SMIM35: variants seen among roughly 807,000 people sequenced by gnomAD.
SMIM35 encodes the protein TMPRSS4 antisense RNA 1 (non-protein coding).
At chr11:118,025,295 T>C in intron 1 of SMIM35, 1 of 336,928 alleles carries the variant, frequency 3.0e-6, no homozygotes, top group Non-Finnish European at 5.8e-6. Flanking sequence ...AGTAATAAGA[T>C]TGTGCAGTCA....
At chr11:118,016,557 T>A (rs1183270368) in intron 1 of SMIM35, among the ~76,000 whole-genome samples, 1 of 152,098 alleles carries the variant, frequency 6.6e-6, no homozygotes. Flanking sequence ...ATGGAGTGAT[T>A]CCCCATTTGG....
chr11:118,081,012 T>C (rs929385255), intron 1 of SMIM35, among the ~76,000 whole-genome samples: 1 of 152,218 alleles, frequency 6.6e-6, no homozygotes, highest in African/African-American at 2.4e-5. Context: ...GGGAGCTTCT[T>C]GAGGACAGGG....
intron 1 of SMIM35, among the ~76,000 whole-genome samples, chr11:118,046,607 T>C (rs932249788): frequency 1.3e-5 from 2 of 152,214 alleles, no homozygotes; most frequent in African/African-American, 4.8e-5. Context: ...AGGGCAGGTA[T>C]AGAGCAGCTG....
chr11:118,037,734 G>A (rs1313040836), intron 1 of SMIM35, among the ~76,000 whole-genome samples: 2 of 152,130 alleles, frequency 1.3e-5, no homozygotes, highest in Non-Finnish European at 2.9e-5. Flanking sequence ...GATAGTTTGT[G>A]GTAGAACTGA....
In SMIM35 at chr11:118,035,881, G is replaced by GTGTTTGTTTGTTTGTTTGTT. The variant is rs1555072795; in HGVS notation, c.8-20092_8-20073dup. ...ACTATCATTAGTATCCTAATATGTGGTGTTTGTTTGTTTGTTTGTTTGACA... is the reference window on the plus strand; with the variant it reads ...ACTATCATTAGTATCCTAATATGTGGTGTTTGTTTGTTTGTTTGTTTGTTTGTTTGTTTGTTTGTTTGACA... On this transcript the variant is annotated intron_variant, in intron 1 of 4. Coordinates refer to ENST00000689828, the MANE Select transcript of SMIM35 (RefSeq NM_001394165.1). 2.6e-4 allele frequency among the ~76,000 whole-genome samples: 39 copies of GTGTTTGTTTGTTTGTTTGTT among 152,184 alleles called. No homozygotes were observed. In the East Asian group the frequency reaches 4.8e-3, roughly 19 times the overall value.
chr11:118,059,656 C>T (rs773933734), intron 1 of SMIM35: 2 of 152,174 alleles, frequency 1.3e-5, no homozygotes, highest in Admixed American at 1.3e-4. Flanking sequence ...CCCTGGGGTC[C>T]GTCAGGATCC....
intron 1 of SMIM35, chr11:118,077,010 T>A: frequency 2.4e-6 from 1 of 425,280 alleles, no homozygotes; most frequent in African/African-American, 2.1e-5. Context: ...ACAAGACACA[T>A]AATCATTCCA....
chr11:118,021,178 G>A lies in SMIM35; in HGVS notation c.8-5369C>T, dbSNP rs570270401. ...ATCTAACTCATGAAGTCAAAGTAAA[G>A]CTTTTAGAAGCTTACTCTGTAGGAG... is the stretch of plus-strand genomic sequence containing the variant. On this transcript the variant is annotated intron_variant, in intron 1 of 4. Transcript: ENST00000689828. Among the ~76,000 whole-genome samples, 38 of 152,074 alleles carry A rather than the reference G, an allele frequency of 2.5e-4. 1 individual carries two copies. Among genetic ancestry groups the A allele is most frequent in the African/African-American group, 8.7e-4 (36 of 41,518 alleles).
intron 1 of SMIM35, among the ~76,000 whole-genome samples, chr11:118,079,919 G>A (rs112844968): frequency 4.6e-5 from 7 of 152,328 alleles, no homozygotes; most frequent in African/African-American, 1.7e-4. Flanking sequence ...TAAAGGGCAA[G>A]ACAGGCAAGG....
At chr11:118,075,847 G>T (rs1944666497) in intron 1 of SMIM35, among the ~76,000 whole-genome samples, 1 of 152,240 alleles carries the variant, frequency 6.6e-6, no homozygotes, top group Non-Finnish European at 1.5e-5. Context: ...CACAGAATGG[G>T]GGAACAATGT....
intron 1 of SMIM35, among the ~76,000 whole-genome samples, chr11:118,049,297 T>G (rs1041222950): frequency 4.6e-5 from 7 of 151,842 alleles, no homozygotes; most frequent in African/African-American, 1.7e-4. Context: ...TGTGAGTGAT[T>G]TGAAGGGAAG....
intron 1 of SMIM35, among the ~76,000 whole-genome samples, chr11:118,066,957 G>A (rs188633038): frequency 5.3e-5 from 8 of 152,024 alleles, no homozygotes; most frequent in African/African-American, 1.7e-4. Flanking sequence ...TCCGAATAGG[G>A]GAGCAAGAGC....
At chr11:118,057,902 G>A (rs1180948134) in intron 1 of SMIM35, among the ~76,000 whole-genome samples, 1 of 152,198 alleles carries the variant, frequency 6.6e-6, no homozygotes, top group South Asian at 2.1e-4. Flanking sequence ...GCTTGATGAT[G>A]CCAAGAGGCA....
chr11:118,082,218 G>T (rs1487532411), intron 1 of SMIM35, among the ~76,000 whole-genome samples: 1 of 152,196 alleles, frequency 6.6e-6, no homozygotes, highest in African/African-American at 2.4e-5. Flanking sequence ...TCTCCCTTCA[G>T]TCTAATACAA....
chr11:118,035,199 G>A lies in SMIM35; in HGVS notation c.8-19390C>T, dbSNP rs555598159. Among the ~76,000 whole-genome samples, 7 of 152,116 alleles carry A rather than the reference G, an allele frequency of 4.6e-5. No individual in the cohort carries two copies. The East Asian group carries it at 5.8e-4, about 13-fold the overall frequency. The stretch of plus-strand genomic sequence containing the variant: ...ACTCCTGACCACAAGTGATCCACCC[G>A]CCTCAGCCTCCCAAAGTGCCCGTCT... On this transcript the variant is annotated intron_variant, in intron 1 of 4. Coordinates refer to ENST00000689828, the MANE Select transcript of SMIM35 (RefSeq NM_001394165.1).
chr11:118,038,065 A>G (rs1943934228), intron 1 of SMIM35, among the ~76,000 whole-genome samples: 1 of 152,116 alleles, frequency 6.6e-6, no homozygotes, highest in Non-Finnish European at 1.5e-5. Flanking sequence ...CAGTGATTCA[A>G]TTAGATTGTC....
intron 1 of SMIM35, among the ~76,000 whole-genome samples, chr11:118,038,232 T>A (rs1244523959): frequency 1.3e-5 from 2 of 152,208 alleles, no homozygotes; most frequent in Non-Finnish European, 2.9e-5. Context: ...TCCAGACCCC[T>A]CTTTGTGTTG....
At chr11:118,068,393 C>G (rs957112507) in intron 1 of SMIM35, among the ~76,000 whole-genome samples, 5 of 152,176 alleles carry the variant, frequency 3.3e-5, no homozygotes, top group Non-Finnish European at 7.3e-5. Context: ...ACAGCACGAT[C>G]TCTGTGTCGA....
chr11:118,013,712 C>A, intron 4 of SMIM35, 36 bp downstream of exon 4: 1 of 398,562 alleles, frequency 2.5e-6, no homozygotes. Context: ...ACTTGGACAT[C>A]AGGCTCACTC....
Sources: allele counts gnomAD v4.1 joint callset (sites outside exome capture counted in the v4.1 genomes callset), GRCh38; gene constraint gnomAD v4.1.1; transcripts MANE v1.5; gene names NCBI Gene and HGNC (gene_info 2026-07-23, HGNC 2026-07-21).